Variants in CCSER1 observed in about 807,000 individuals in gnomAD.
CCSER1 encodes the protein coiled-coil serine rich protein 1.
A neutral mutation model predicts 82.0 loss-of-function variants in CCSER1; 41 were observed. The observed-to-expected ratio is 0.50, with a 90% CI of 0.39 to 0.65. The LOEUF (loss-of-function observed/expected upper bound fraction) is 0.65. Ranked by LOEUF, CCSER1 falls within the 30% of genes least tolerant of loss-of-function variation. CCSER1 has a pLI of 0.00. For missense variants in CCSER1, 1,119 were observed against 1,064.2 expected, an observed-to-expected ratio of 1.05 and a Z score of -0.72; for synonymous variants, 414 against 383.9, an observed-to-expected ratio of 1.08 and a Z score of -0.92.
intron 9 of CCSER1, among the ~76,000 whole-genome samples, chr4:90,983,859 T>TA (rs1010623912): frequency 7.8e-4 from 119 of 151,918 alleles, no homozygotes; most frequent in African/African-American, 2.8e-3. Flanking sequence ...CATTTGCCTG[T>TA]ATGCCATGCA....
chr4:91,195,667 T>C (rs763822760), intron 10 of CCSER1, among the ~76,000 whole-genome samples: 7 of 152,206 alleles, frequency 4.6e-5, no homozygotes, highest in Non-Finnish European at 7.3e-5. Context: ...ATTTTAGTTA[T>C]TCTTATTAGT....
chr4:91,171,358 A>G (rs772866633), intron 10 of CCSER1, among the ~76,000 whole-genome samples: 4 of 152,240 alleles, frequency 2.6e-5, no homozygotes, highest in Non-Finnish European at 4.4e-5. Context: ...AGCAAACGAT[A>G]TCAGCAGACA....
At chr4:90,902,970 G>A (rs1724887124) in intron 8 of CCSER1, among the ~76,000 whole-genome samples, 1 of 151,984 alleles carries the variant, frequency 6.6e-6, no homozygotes, top group African/African-American at 2.4e-5. Context: ...CCTCTCACAG[G>A]GCACATGTTC....
intron 10 of CCSER1, among the ~76,000 whole-genome samples, chr4:91,239,315 C>CAT (rs1739266403): frequency 2.1e-5 from 1 of 47,906 alleles, no homozygotes; most frequent in Non-Finnish European, 4.1e-5. Context: ...AATTTAACTA[C>CAT]ATACTGCCTC....
chr4:90,583,706 C>A (rs1006313399), intron 5 of CCSER1, among the ~76,000 whole-genome samples: 5 of 151,922 alleles, frequency 3.3e-5, no homozygotes, highest in African/African-American at 1.2e-4. Flanking sequence ...AACGAGAATA[C>A]CTTTTTATGT....
At position 90,128,212 on chromosome 4, in the gene CCSER1, C is replaced by T. The variant is rs1722151674; in HGVS notation, c.-42+381C>T. 4.6e-5 allele frequency among the ~76,000 whole-genome samples: 7 copies of T among 152,230 alleles called. 1 individual carries two copies. In the South Asian group the frequency reaches 1.5e-3, roughly 32 times the overall value. ...CGCTCCCCTTCCTCGCCACTCGCGT[C>T]CCGCAGGTAGAGGCGACCGGTCAGC... is the stretch of plus-strand genomic sequence containing the variant. On this transcript the variant is annotated intron_variant, in intron 1 of 10. Coordinates refer to ENST00000509176, the MANE Select transcript of CCSER1 (RefSeq NM_001145065.2).
intron 4 of CCSER1, among the ~76,000 whole-genome samples, chr4:90,459,897 T>C (rs948733773): frequency 1.3e-5 from 2 of 152,204 alleles, no homozygotes; most frequent in South Asian, 2.1e-4. Flanking sequence ...CTAAAGTGTT[T>C]TGAGTTTTAA....
intron 10 of CCSER1, among the ~76,000 whole-genome samples, chr4:91,167,348 G>A (rs1301110595): frequency 6.6e-6 from 1 of 151,838 alleles, no homozygotes; most frequent in Admixed American, 6.6e-5. Flanking sequence ...ACCATGCCCA[G>A]CTAATTTTTG....
At chr4:91,151,730 T>C (rs1264596868) in intron 10 of CCSER1, among the ~76,000 whole-genome samples, 2 of 152,212 alleles carry the variant, frequency 1.3e-5, no homozygotes, top group Admixed American at 1.3e-4. Flanking sequence ...TTTCTTTATG[T>C]ACCCAGTAGT....
At chr4:91,493,568 G>T (rs1362032705) in intron 10 of CCSER1, among the ~76,000 whole-genome samples, 3 of 151,438 alleles carry the variant, frequency 2.0e-5, no homozygotes, top group Non-Finnish European at 4.4e-5. Flanking sequence ...GTTTTTCTTA[G>T]GAATTAAGAA....
At chr4:90,547,120 TATGAG>T (rs527675014) in intron 5 of CCSER1, among the ~76,000 whole-genome samples, 90 of 152,144 alleles carry the variant, frequency 5.9e-4, no homozygotes, top group African/African-American at 1.8e-3. Flanking sequence ...GATAAATTCA[TATGAG>T]ATAAGTTTTA....
intron 10 of CCSER1, among the ~76,000 whole-genome samples, chr4:91,195,133 T>C (rs1424057393): frequency 6.6e-6 from 1 of 152,168 alleles, no homozygotes; most frequent in Non-Finnish European, 1.5e-5. Context: ...CGAATAGAAA[T>C]AGGTTGTCCA....
intron 10 of CCSER1, among the ~76,000 whole-genome samples, chr4:91,295,277 C>G (rs1744067288): frequency 6.6e-6 from 1 of 151,760 alleles, no homozygotes; most frequent in African/African-American, 2.4e-5. Context: ...TGCAGTGGAT[C>G]TTAGTTTTTA....
intron 10 of CCSER1, among the ~76,000 whole-genome samples, chr4:91,143,177 C>T (rs1729201676): frequency 6.6e-6 from 1 of 151,118 alleles, no homozygotes; most frequent in Non-Finnish European, 1.5e-5. Flanking sequence ...TTGTAGTTTT[C>T]CTTGTAGAGA....
intron 1 of CCSER1, among the ~76,000 whole-genome samples, chr4:90,232,978 G>A (rs1430575686): frequency 6.6e-6 from 1 of 150,914 alleles, no homozygotes; most frequent in Non-Finnish European, 1.5e-5. Context: ...GAAACAACAG[G>A]TGCTGGAGAG....
At chr4:90,157,883 C>G (rs568719121) in intron 1 of CCSER1, among the ~76,000 whole-genome samples, 31 of 152,320 alleles carry the variant, frequency 2.0e-4, no homozygotes, top group African/African-American at 7.0e-4. Flanking sequence ...TCGTCAAAGT[C>G]ATTCTCCGTC....
In CCSER1 at chr4:90,524,209, T is replaced by C. The variant is rs566971529; in HGVS notation, c.1724+55855T>C. On this transcript the variant is annotated intron_variant, in intron 5 of 10. Transcript: ENST00000509176. ...GTTTTCTTACTTTATAAAGATACCT[T>C]AGGAGCTTATTAAAATTAGGCTTAG... 3.3e-5 allele frequency among the ~76,000 whole-genome samples: 5 copies of C among 152,294 alleles called. No homozygotes were observed. In the East Asian group the frequency reaches 9.6e-4, roughly 29 times the overall value.
intron 5 of CCSER1, among the ~76,000 whole-genome samples, chr4:90,583,457 C>T (rs968544004): frequency 1.1e-4 from 17 of 152,174 alleles, no homozygotes; most frequent in Middle Eastern, 6.8e-3. Flanking sequence ...TGAGCCACCG[C>T]GCCTGGCTGG....
chr4:90,397,639 C>G (rs1025193438), intron 3 of CCSER1, among the ~76,000 whole-genome samples: 2 of 152,156 alleles, frequency 1.3e-5, no homozygotes, highest in African/African-American at 4.8e-5. Flanking sequence ...TATCACCAGA[C>G]AGAGACTTTT....
Sources: gnomAD v4.1 joint callset for allele counts (sites outside exome capture counted in the v4.1 genomes callset) on GRCh38, gnomAD v4.1.1 for gene constraint, MANE v1.5 for transcripts, NCBI Gene and HGNC (gene_info 2026-07-23, HGNC 2026-07-21) for gene names.